SLC43A2: variants seen among roughly 807,000 people sequenced by gnomAD.
The protein encoded by SLC43A2 is solute carrier family 43 member 2.
Under a neutral mutation model 63.2 loss-of-function variants are expected in SLC43A2, and 38 were observed. The ratio of observed to expected loss-of-function variants is 0.60; its 90% CI spans 0.46 to 0.79. The LOEUF (loss-of-function observed/expected upper bound fraction) is 0.79, where lower values mean the gene tolerates loss of function less well. Among genes scored for constraint, SLC43A2 ranks in the 30% least tolerant of loss-of-function variants. The pLI is 0.00. For missense variants in SLC43A2, 644 were observed against 756.2 expected (o/e 0.85, Z 1.74); for synonymous variants, 322 against 331.0 (o/e 0.97, Z 0.30).
chr17:1,596,536 T>C (rs541738131), intron 5 of SLC43A2, among the ~76,000 whole-genome samples: 60 of 152,016 alleles, frequency 3.9e-4, no homozygotes, highest in African/African-American at 1.3e-3. Context: ...AAACAAAAAA[T>C]AGAACATATA....
At chr17:1,626,022 CA>C (rs1228702554) in intron 2 of SLC43A2, among the ~76,000 whole-genome samples, 2 of 150,514 alleles carry the variant, frequency 1.3e-5, no homozygotes, top group East Asian at 1.9e-4. Context: ...AAACAAAAAA[CA>C]AAAAACAAAC....
intron 2 of SLC43A2, among the ~76,000 whole-genome samples, chr17:1,622,457 G>C (rs551745442): frequency 8.6e-5 from 13 of 151,874 alleles, no homozygotes; most frequent in Non-Finnish European, 1.9e-4. Flanking sequence ...CCCAGCTACT[G>C]GGGAGGCTGA....
intron 10 of SLC43A2, among the ~76,000 whole-genome samples, chr17:1,584,209 T>G (rs761648078): frequency 6.6e-6 from 1 of 152,008 alleles, no homozygotes; most frequent in Non-Finnish European, 1.5e-5. Context: ...CCTCTGCAAT[T>G]ATCTCTCGTG....
intron 11 of SLC43A2, among the ~76,000 whole-genome samples, chr17:1,581,435 G>A (rs544056744): frequency 2.0e-5 from 3 of 152,340 alleles, no homozygotes; most frequent in Admixed American, 1.3e-4. Flanking sequence ...CCCTGGGGCC[G>A]GCACAAATGT....
chr17:1,585,596 C>T, intron 10 of SLC43A2: 3 of 1,102,502 alleles, frequency 2.7e-6, no homozygotes, highest in South Asian at 1.5e-5. Flanking sequence ...CCATGTTTCC[C>T]AGGCTGGTCT....
upstream of SLC43A2, among the ~76,000 whole-genome samples, chr17:1,629,841 T>TC (rs1567656613): frequency 6.6e-6 from 1 of 152,100 alleles, no homozygotes; most frequent in African/African-American, 2.4e-5. Flanking sequence ...AAAGCTCAGC[T>TC]CCCCGTCTTC....
upstream of SLC43A2, among the ~76,000 whole-genome samples, chr17:1,629,978 G>A (rs1040893749): frequency 3.3e-5 from 5 of 152,194 alleles, no homozygotes; most frequent in African/African-American, 9.6e-5. Context: ...CGGTGTCCAC[G>A]TCTGGAATCC....
At chr17:1,604,067 G>A (rs2151063035) in intron 5 of SLC43A2, among the ~76,000 whole-genome samples, 1 of 152,264 alleles carries the variant, frequency 6.6e-6, no homozygotes, top group East Asian at 1.9e-4. Flanking sequence ...TTGAGACAGA[G>A]CCTCACTCTG....
At position 1,570,487 on chromosome 17, in the gene SLC43A2, G is replaced by GTTTTTTTTT. The variant is rs1167305329; in HGVS notation, c.*5108_*5116dup. On this transcript the variant is annotated 3_prime_UTR_variant, in exon 14 of 14. Coordinates refer to ENST00000301335, the MANE Select transcript of SLC43A2 (RefSeq NM_152346.3). ...GGGCACTGAAAACGATGCTACCATTGTTTTTTTTTTTTTTTTTGAGACGGA... is the reference window on the plus strand; with the variant it reads ...GGGCACTGAAAACGATGCTACCATTGTTTTTTTTTTTTTTTTTTTTTTTTTTGAGACGGA... 1.6e-3 allele frequency: 218 copies of GTTTTTTTTT among 134,264 alleles called. 2 individuals carry two copies. The highest frequency in any genetic ancestry group is 5.7e-3 in the African/African-American group (207 of 36,458). The allele number at this position is 134,264 out of a possible 1,614,324, so 8.3% of individuals were successfully genotyped here.
chr17:1,576,625 A>G lies in SLC43A2; in HGVS notation c.1520T>C (p.Met507Thr). 6.2e-7 allele frequency: 1 copy of G among 1,610,088 alleles called. No homozygotes were observed. The highest frequency in any genetic ancestry group is 1.3e-5 in the African/African-American group (1 of 75,050). ...CAGAGGGTCTCCCTGGAGAGGACCC[A>G]TCATGGCCAGAAACAGCGGCTGCTG... Reference protein sequence around the residue: ...LLQQPLFLAMMGPLQGDPLWV... With the variant: ...LLQQPLFLAMTGPLQGDPLWV... Residue 507 changes from methionine (M) to threonine (T), a missense_variant, in exon 13 of 14, where the codon ATG (methionine) becomes ACG (threonine). Met to Thr is a moderately conservative substitution (Grantham distance 81). Transcript: ENST00000301335.
rs11870394 is a variant in SLC43A2 at position 1,594,624 on chromosome 17, T to C, written c.502-1345A>G. ...TTTTTTTGAGACGGAGTCTCGCTCTTTCGCCCAGGCTGTACTGCAGTGGCT... is the reference window on the plus strand; with the variant it reads ...TTTTTTTGAGACGGAGTCTCGCTCTCTCGCCCAGGCTGTACTGCAGTGGCT... On this transcript the variant is annotated intron_variant, in intron 5 of 13. Transcript: ENST00000301335. Among the ~76,000 whole-genome samples, 415 of 132,548 alleles carry C rather than the reference T, an allele frequency of 3.1e-3. 7 individuals carry two copies. Among genetic ancestry groups the C allele is most frequent in the Non-Finnish European group, 3.9e-3 (249 of 63,122 alleles). 87.0% of individuals were successfully genotyped at this position (132,548 alleles called of 152,430 possible).
chr17:1,576,675 CAG>C lies in SLC43A2; in HGVS notation c.1468_1469del (p.Leu490AspfsTer63), dbSNP rs1192449369. 1.1e-5 allele frequency: 17 copies of C among 1,611,198 alleles called. No homozygotes were observed. The highest frequency in any genetic ancestry group is 1.4e-5 in the Non-Finnish European group (16 of 1,179,950). The stretch of plus-strand genomic sequence containing the variant: ...GCAGAAGGGCGAAGAGCGCGCTGAT[CAG>C]AGACTGCAGTCCCGTGAGGCTGCCG... The part of the protein sequence containing the change: ...QFGSLTGLQS[L>X]ISALFALLQQ... On this transcript the variant is annotated frameshift_variant, in exon 13 of 14. Coordinates refer to ENST00000301335, the MANE Select transcript of SLC43A2 (RefSeq NM_152346.3). LOFTEE classifies it high-confidence loss of function.
At chr17:1,603,468 ATT>A (rs1906271998) in intron 5 of SLC43A2, among the ~76,000 whole-genome samples, 1 of 151,632 alleles carries the variant, frequency 6.6e-6, no homozygotes, top group East Asian at 1.9e-4. Context: ...TTGACCACCT[ATT>A]TAAAAACTTT....
Position 1,577,392 on chromosome 17 carries a change from G to T in SLC43A2, c.1425-672C>A, listed in dbSNP as rs760182862. Reference sequence around the variant, plus strand: ...TCGTCCAGAGAAGCATTGAGTAATCGCGGAAACTCAGCACCACAGATCCCG... The same window carrying T: ...TCGTCCAGAGAAGCATTGAGTAATCTCGGAAACTCAGCACCACAGATCCCG... On this transcript the variant is annotated intron_variant, in intron 12 of 13. Transcript: ENST00000301335. This position sits in a 1 kb window ranked among gnomAD's most constrained non-coding sequence, Gnocchi z 4.9. Among the ~76,000 whole-genome samples the T allele has an allele frequency of 3.9e-5, 6 of 152,156 alleles. No individual in the cohort carries two copies. The highest frequency in any genetic ancestry group is 1.4e-4 in the African/African-American group (6 of 41,438).
At chr17:1,591,156 C>T (rs368424481) in intron 8 of SLC43A2, 113 bp downstream of exon 8, 1 of 1,411,018 alleles carries the variant, frequency 7.1e-7, no homozygotes, top group Non-Finnish European at 9.6e-7. Context: ...AGCGCCTCTG[C>T]AGAACAGGGC....
In SLC43A2 at chr17:1,578,400, G is replaced by A; in HGVS notation, c.1351-77C>T. ...TCAGCCCCCGCCCTCCAATTCCTGGGGGCCCTCACCCCAGGGGCAGTGTCA... is the reference window on the plus strand; with the variant it reads ...TCAGCCCCCGCCCTCCAATTCCTGGAGGCCCTCACCCCAGGGGCAGTGTCA... On this transcript the variant is annotated intron_variant, in intron 11 of 13. Coordinates refer to ENST00000301335, the MANE Select transcript of SLC43A2 (RefSeq NM_152346.3). This position sits in a 1 kb window ranked among gnomAD's most constrained non-coding sequence, Gnocchi z 6.5. 7.0e-7 allele frequency: 1 copy of A among 1,423,392 alleles called. No homozygotes were observed. The highest frequency in any genetic ancestry group is 9.7e-7 in the Non-Finnish European group (1 of 1,030,432). The allele number at this position is 1,423,392 out of a possible 1,614,324, so 88.2% of individuals were successfully genotyped here.
intron 5 of SLC43A2, among the ~76,000 whole-genome samples, chr17:1,604,136 G>A (rs545109405): frequency 2.0e-5 from 3 of 152,218 alleles, no homozygotes; most frequent in South Asian, 2.1e-4. Flanking sequence ...CACCTCCCTG[G>A]TTCAAGCGAT....
At chr17:1,604,741 T>C in intron 5 of SLC43A2, 1 of 1,535,784 alleles carries the variant, frequency 6.5e-7, no homozygotes, top group Non-Finnish European at 8.7e-7. Context: ...TGCCCTCACC[T>C]CCTGCTGTTG....
rs916839561 is a variant in SLC43A2 at position 1,570,424 on chromosome 17, T to C, written c.*5180A>G. The C allele has an allele frequency of 2.0e-5, 3 of 152,190 alleles. No homozygotes were observed. Among genetic ancestry groups the C allele is most frequent in the African/African-American group, 7.2e-5 (3 of 41,408 alleles). 9.4% of individuals were successfully genotyped at this position (152,190 alleles called of 1,614,324 possible). A position where few individuals can be genotyped will look rare whatever the true frequency, so the allele number is the denominator to read the frequency against. ...TCCTGTTGTATGGGCTTGGGTGTGG[T>C]GTGGTGGCCCTTTCCCTGTCCCAGC... On this transcript the variant is annotated 3_prime_UTR_variant, in exon 14 of 14. Coordinates refer to ENST00000301335, the MANE Select transcript of SLC43A2 (RefSeq NM_152346.3).
Sources: allele counts gnomAD v4.1 joint callset (sites outside exome capture counted in the v4.1 genomes callset), GRCh38; gene constraint gnomAD v4.1.1; non-coding constraint Gnocchi (gnomAD v3.1); transcripts MANE v1.5; gene names NCBI Gene and HGNC (gene_info 2026-07-23, HGNC 2026-07-21).